The following ADGRF5 variants were observed in gnomAD, a reference collection of about 807,000 sequenced individuals.
ADGRF5 encodes G-protein coupled receptor 116.
In ADGRF5, 75 loss-of-function variants were observed where a neutral mutation model predicts 132.3. That is an observed-to-expected ratio of 0.57 (90% CI 0.47 to 0.69). ADGRF5 has a LOEUF of 0.69. Among genes scored for constraint, ADGRF5 ranks in the 30% least tolerant of loss-of-function variants. ADGRF5 has a pLI of 0.00. For synonymous variants in ADGRF5, 629 were observed against 597.6 expected (o/e 1.05, Z -0.77); for missense variants, 1,516 against 1,630.6 (o/e 0.93, Z 1.21).
At chr6:46,856,519 G>C (rs1769066100) in intron 19 of ADGRF5, among the ~76,000 whole-genome samples, 199 bp downstream of exon 19, 1 of 152,138 alleles carries the variant, frequency 6.6e-6, no homozygotes. Context: ...CTATTTAATA[G>C]ACAGAATGAC....
Position 46,852,636 on chromosome 6 carries a change from CAA to C in ADGRF5, c.*1354_*1355del, listed in dbSNP as rs3832435. ...TTATATTTTTTAATGAAATACACAC[CAA>C]AAAAAAGCACACATGCAGATAATTC... On this transcript the variant is annotated 3_prime_UTR_variant, in exon 21 of 21. Transcript: ENST00000283296. 6.6e-6 allele frequency: 1 copy of C among 151,590 alleles called. No individual in the cohort carries two copies. Among genetic ancestry groups the C allele is most frequent in the African/African-American group, 2.4e-5 (1 of 41,274 alleles). The allele number at this position is 151,590 out of a possible 1,614,324, so 9.4% of individuals were successfully genotyped here. A position where few individuals can be genotyped will look rare whatever the true frequency, so the allele number is the denominator to read the frequency against.
At chr6:46,890,572 CT>C (rs1477415152) in intron 3 of ADGRF5, among the ~76,000 whole-genome samples, 1 of 151,880 alleles carries the variant, frequency 6.6e-6, no homozygotes, top group Non-Finnish European at 1.5e-5. Context: ...CAAAAATTAG[CT>C]GGGCATGGTG....
chr6:46,913,272 C>T (rs192826489), intron 1 of ADGRF5, among the ~76,000 whole-genome samples: 38 of 152,086 alleles, frequency 2.5e-4, no homozygotes, highest in Non-Finnish European at 4.0e-4. Flanking sequence ...CCAAGGGGGG[C>T]GGATCACCAG....
rs149655681 is a variant in ADGRF5, at chr6:46,935,044, C to T, written c.-25+19690G>A. Among the ~76,000 whole-genome samples, 79 of 126,900 alleles carry T rather than the reference C, an allele frequency of 6.2e-4. No homozygotes were observed. In the East Asian group the frequency reaches 0.014, roughly 22 times the overall value. The allele number at this position is 126,900 out of a possible 152,430, so 83.3% of individuals were successfully genotyped here. On this transcript the variant is annotated intron_variant, in intron 1 of 20. Transcript: ENST00000265417. Reference sequence around the variant, plus strand: ...TTTGAGACGGAGTCTTGCTCTGTTGCCCAGGCTGGAATGCAGTAGTGTGAT... The same window carrying T: ...TTTGAGACGGAGTCTTGCTCTGTTGTCCAGGCTGGAATGCAGTAGTGTGAT...
chr6:46,926,694 C>T (rs1174616143), upstream of ADGRF5, among the ~76,000 whole-genome samples: 3 of 152,128 alleles, frequency 2.0e-5, no homozygotes, highest in African/African-American at 7.2e-5. Context: ...AAATACGTCA[C>T]CCACATGCCT....
At chr6:46,862,068 T>C (rs1051391008) in intron 15 of ADGRF5, among the ~76,000 whole-genome samples, 3 of 152,228 alleles carry the variant, frequency 2.0e-5, no homozygotes, top group Admixed American at 6.5e-5. Context: ...ATAATCATGC[T>C]TTGCACATAG....
intron 10 of ADGRF5, among the ~76,000 whole-genome samples, chr6:46,874,610 C>T (rs1180337901): frequency 5.3e-5 from 8 of 152,024 alleles, no homozygotes; most frequent in Non-Finnish European, 1.0e-4. Context: ...ATAGAAATGG[C>T]GGCTGTAGTT....
chr6:46,862,721 T>C, intron 15 of ADGRF5, among the ~76,000 whole-genome samples, 167 bp downstream of exon 15: 1 of 143,068 alleles, frequency 7.0e-6, no homozygotes, highest in Non-Finnish European at 1.5e-5. Flanking sequence ...TTTTTTTTTT[T>C]TTTTTTTTGC....
Position 46,863,070 on chromosome 6 carries a change from C to T in ADGRF5, c.2017G>A (p.Val673Ile), listed in dbSNP as rs201326559. The change falls in exon 15 of 21, where the codon GTA becomes ATA. Residue 673 changes from valine to isoleucine, a missense_variant. By Grantham distance (29) the Val-to-Ile change is conservative. Transcript: ENST00000283296. Reference protein sequence around the residue: ...PGENITCQDPVIGVGEPGKVI... With the variant: ...PGENITCQDPIIGVGEPGKVI... ...TTCCCCGGCTCTCCGACACCTATTA[C>T]GGGATCCTGGCATGTGATGTTTTCC... 68 of 1,613,760 alleles carry T rather than the reference C, an allele frequency of 4.2e-5. No homozygotes were observed. The East Asian group carries it at 1.2e-3, about 29-fold the overall frequency.
intron 13 of ADGRF5, among the ~76,000 whole-genome samples, chr6:46,865,966 G>A (rs1770365564): frequency 6.6e-6 from 1 of 150,648 alleles, no homozygotes; most frequent in Non-Finnish European, 1.5e-5. Flanking sequence ...AAAAATGAAT[G>A]AGCTTGTAAA....
intron 1 of ADGRF5, among the ~76,000 whole-genome samples, chr6:46,921,332 C>T (rs1172025192): frequency 6.6e-6 from 1 of 152,166 alleles, no homozygotes; most frequent in Non-Finnish European, 1.5e-5. Flanking sequence ...GCCGACTGGC[C>T]CTGAAATGCT....
intron 11 of ADGRF5, among the ~76,000 whole-genome samples, chr6:46,871,221 C>T (rs994410276): frequency 6.6e-5 from 10 of 152,034 alleles, no homozygotes; most frequent in Admixed American, 2.6e-4. Context: ...TCTTTTTACA[C>T]GTGGGGTGAA....
intron 1 of ADGRF5, among the ~76,000 whole-genome samples, chr6:46,937,248 GT>G (rs1777879800): frequency 6.6e-6 from 1 of 151,958 alleles, no homozygotes; most frequent in Non-Finnish European, 1.5e-5. Context: ...GTGTGTGTGT[GT>G]GTGAGTGTGT....
intron 1 of ADGRF5, among the ~76,000 whole-genome samples, chr6:46,917,207 C>G (rs749778306): frequency 4.6e-5 from 7 of 152,218 alleles, no homozygotes; most frequent in Admixed American, 4.6e-4. Context: ...AACAAACACA[C>G]TTGGCAAGTG....
rs750828694 is a variant in ADGRF5, at chr6:46,906,681, CGTAATTCCA to C, written c.73_81del (p.Trp25_Tyr27del). ...CTCACCAAAGGATGAATAGTAGACT[CGTAATTCCA>C]GTTCAGTGCAGCTTTGGAAGAATAA... is the stretch of plus-strand genomic sequence containing the variant. On this transcript the variant is annotated inframe_deletion, in exon 2 of 21. Coordinates refer to ENST00000283296, the MANE Select transcript of ADGRF5 (RefSeq NM_001098518.2). 23 of 1,570,300 alleles carry C rather than the reference CGTAATTCCA, an allele frequency of 1.5e-5. No homozygotes were observed. In the South Asian group the frequency reaches 2.4e-4, roughly 17 times the overall value.
intron 16 of ADGRF5, among the ~76,000 whole-genome samples, chr6:46,860,487 A>G (rs1769612444): frequency 6.6e-6 from 1 of 152,190 alleles, no homozygotes; most frequent in Admixed American, 6.5e-5. Context: ...TTCCATTTTA[A>G]TGAAGAAAAT....
chr6:46,855,344 A>T (rs895878702), intron 20 of ADGRF5, among the ~76,000 whole-genome samples: 14 of 152,196 alleles, frequency 9.2e-5, no homozygotes, highest in Non-Finnish European at 1.5e-4. Context: ...CACTTTATGT[A>T]TATTTGCTTA....
chr6:46,936,849 T>C (rs941075023), intron 1 of ADGRF5, among the ~76,000 whole-genome samples: 4 of 152,110 alleles, frequency 2.6e-5, no homozygotes, highest in African/African-American at 7.2e-5. Flanking sequence ...GAGCTAGGCA[T>C]TTTCTCCCCG....
At position 46,869,345 on chromosome 6, in the gene ADGRF5, C is replaced by T. The variant is rs999366520; in HGVS notation, c.1412-253G>A. The T allele has an allele frequency of 9.1e-6, 9 of 985,316 alleles. No homozygotes were observed. The East Asian group carries it at 5.7e-4, about 62-fold the overall frequency. The allele number at this position is 985,316 out of a possible 1,614,324, so 61.0% of individuals were successfully genotyped here. On this transcript the variant is annotated intron_variant, in intron 11 of 20. Coordinates refer to ENST00000283296, the MANE Select transcript of ADGRF5 (RefSeq NM_001098518.2). ...ATGCCTTAGGACCTCGTGCACTTCA[C>T]TTTTGTGGCTGGAATTATCTCCTGA... is the stretch of plus-strand genomic sequence containing the variant.
Sources: allele counts gnomAD v4.1 joint callset (sites outside exome capture counted in the v4.1 genomes callset), GRCh38; gene constraint gnomAD v4.1.1; transcripts MANE v1.5; gene names NCBI Gene and HGNC (gene_info 2026-07-23, HGNC 2026-07-21).